PRKCA: variants seen among roughly 807,000 people sequenced by gnomAD.
PRKCA encodes the protein protein kinase C alpha.
Under a neutral mutation model 87.0 loss-of-function variants are expected in PRKCA, and 27 were observed. The observed-to-expected ratio is 0.31, with a 90% CI of 0.23 to 0.43. The LOEUF (loss-of-function observed/expected upper bound fraction) is 0.43. PRKCA is among the 20% of genes least tolerant of loss of function. The pLI, the probability that PRKCA is intolerant of heterozygous loss-of-function variation, is 1.00. For missense variants in PRKCA, 518 were observed against 852.3 expected (o/e 0.61, Z 4.88); for synonymous variants, 329 against 311.1 (o/e 1.06, Z -0.61).
chr17:66,772,967 C>T (rs1974974416), intron 13 of PRKCA, among the ~76,000 whole-genome samples: 2 of 152,046 alleles, frequency 1.3e-5, no homozygotes, highest in South Asian at 4.1e-4. Flanking sequence ...TCATTTCTAA[C>T]TGATAAGCAC....
rs137998587 is a variant in PRKCA at position 66,464,544 on chromosome 17, G to A, written c.206-31657G>A. 8.2e-3 allele frequency among the ~76,000 whole-genome samples: 1,242 copies of A among 152,280 alleles called. 9 individuals carry two copies. Among genetic ancestry groups the A allele is most frequent in the Non-Finnish European group, 0.012 (832 of 68,030 alleles). ...TCCTTGTCAGCGTTTGGTGTTGTCA[G>A]TGTTTTGGATTTTGGCCATTCTAAT... On this transcript the variant is annotated intron_variant, in intron 2 of 16. Transcript: ENST00000413366.
intron 14 of PRKCA, chr17:66,777,120 C>G: frequency 1.1e-5 from 7 of 647,726 alleles, no homozygotes; most frequent in Non-Finnish European, 1.3e-5. Flanking sequence ...AGTTAACCAC[C>G]TGATGGTCGC....
chr17:66,413,187 C>T (rs1011650443), intron 2 of PRKCA, among the ~76,000 whole-genome samples: 1 of 152,208 alleles, frequency 6.6e-6, no homozygotes, highest in Non-Finnish European at 1.5e-5. Context: ...ACTTTGGCTT[C>T]CCATCACCCC....
chr17:66,391,715 A>G (rs1181892177), intron 2 of PRKCA, among the ~76,000 whole-genome samples: 1 of 152,156 alleles, frequency 6.6e-6, no homozygotes, highest in Non-Finnish European at 1.5e-5. Flanking sequence ...AAACTTTCAA[A>G]CAGAAAAGTT....
At chr17:66,561,320 C>T (rs1472169484) in intron 3 of PRKCA, among the ~76,000 whole-genome samples, 1 of 152,164 alleles carries the variant, frequency 6.6e-6, no homozygotes, top group African/African-American at 2.4e-5. Context: ...ACTTCCTTGT[C>T]CGTGTGTGAA....
At chr17:66,633,576 C>T (rs2143759555) in intron 3 of PRKCA, among the ~76,000 whole-genome samples, 1 of 152,300 alleles carries the variant, frequency 6.6e-6, no homozygotes, top group South Asian at 2.1e-4. Flanking sequence ...CACCGCAGAG[C>T]TTCTGTTGGT....
intron 3 of PRKCA, among the ~76,000 whole-genome samples, chr17:66,547,172 G>A (rs1007853260): frequency 6.6e-6 from 1 of 152,116 alleles, no homozygotes; most frequent in African/African-American, 2.4e-5. Flanking sequence ...GCCTGTGTAT[G>A]TTACATCTCT....
intron 5 of PRKCA, among the ~76,000 whole-genome samples, chr17:66,658,741 C>T (rs987730880): frequency 6.6e-6 from 1 of 152,140 alleles, no homozygotes; most frequent in Non-Finnish European, 1.5e-5. Flanking sequence ...ACTCCAGTCA[C>T]GTTAAGTCAT....
chr17:66,539,407 C>CTT (rs961589508), intron 3 of PRKCA, among the ~76,000 whole-genome samples: 4 of 143,442 alleles, frequency 2.8e-5, no homozygotes, highest in East Asian at 2.0e-4. Context: ...GCTTTGAAAT[C>CTT]TTTTTTTTTT....
chr17:66,611,743 G>T (rs1326803343), intron 3 of PRKCA, among the ~76,000 whole-genome samples: 1 of 152,166 alleles, frequency 6.6e-6, no homozygotes, highest in Non-Finnish European at 1.5e-5. Flanking sequence ...TGAAGAACTG[G>T]CAGTTTTCTG....
chr17:66,679,728 C>T (rs558251918), intron 5 of PRKCA, among the ~76,000 whole-genome samples: 13 of 152,238 alleles, frequency 8.5e-5, no homozygotes, highest in Non-Finnish European at 1.6e-4. Context: ...CCTCCATCCC[C>T]TCCTAGCTGA....
chr17:66,745,756 A>G (rs910455501), intron 13 of PRKCA, among the ~76,000 whole-genome samples: 13 of 152,210 alleles, frequency 8.5e-5, no homozygotes, highest in African/African-American at 3.1e-4. Context: ...GGGAGGTAGC[A>G]TCAGATCTGT....
At chr17:66,349,423 T>C (rs778965629) in intron 2 of PRKCA, among the ~76,000 whole-genome samples, 2 of 152,054 alleles carry the variant, frequency 1.3e-5, no homozygotes, top group African/African-American at 4.8e-5. Context: ...TAGCCAACAC[T>C]AAACCAGGCC....
chr17:66,441,867 T>C (rs1476114893), intron 2 of PRKCA, among the ~76,000 whole-genome samples: 1 of 152,134 alleles, frequency 6.6e-6, no homozygotes, highest in Non-Finnish European at 1.5e-5. Flanking sequence ...CCTCTCTGGG[T>C]GATGGTCCCA....
At chr17:66,345,658 C>T (rs1387899781) in intron 2 of PRKCA, among the ~76,000 whole-genome samples, 1 of 151,994 alleles carries the variant, frequency 6.6e-6, no homozygotes, top group Non-Finnish European at 1.5e-5. Context: ...GTACGACAGT[C>T]CTGATTATTG....
In PRKCA at chr17:66,805,279, G is replaced by A. The variant is rs1460765673; in HGVS notation, c.*1242G>A. 1 of 344,938 alleles carries A rather than the reference G, an allele frequency of 2.9e-6. No individual in the cohort carries two copies. 21.4% of individuals were successfully genotyped at this position (344,938 alleles called of 1,614,324 possible). A position where few individuals can be genotyped will look rare whatever the true frequency, so the allele number is the denominator to read the frequency against. On this transcript the variant is annotated 3_prime_UTR_variant, in exon 17 of 17. Transcript: ENST00000413366. ...ACGTTTTGCAAATGCATCATGCAAT[G>A]AATTTTGCATGTTTATAATAAACCT... is the stretch of plus-strand genomic sequence containing the variant.
At chr17:66,673,741 G>A (rs1307558288) in intron 5 of PRKCA, among the ~76,000 whole-genome samples, 1 of 152,148 alleles carries the variant, frequency 6.6e-6, no homozygotes, top group Non-Finnish European at 1.5e-5. Flanking sequence ...TGTTCATCGT[G>A]GTTGATGACA....
Position 66,603,512 on chromosome 17 carries a change from A to G in PRKCA, c.289-37843A>G, listed in dbSNP as rs535280496. 1.1e-4 allele frequency among the ~76,000 whole-genome samples: 17 copies of G among 152,302 alleles called. No individual in the cohort carries two copies. In the South Asian group the frequency reaches 3.5e-3, roughly 32 times the overall value. On this transcript the variant is annotated intron_variant, in intron 3 of 16. Coordinates refer to ENST00000413366, the MANE Select transcript of PRKCA (RefSeq NM_002737.3). ...TGAACAGCAAAGCGAGCACTCGGAGATGCTTCTGTTGTGGGCTTTGGTAGA... is the reference window on the plus strand; with the variant it reads ...TGAACAGCAAAGCGAGCACTCGGAGGTGCTTCTGTTGTGGGCTTTGGTAGA...
intron 2 of PRKCA, among the ~76,000 whole-genome samples, chr17:66,328,279 C>T (rs952914954): frequency 3.3e-5 from 5 of 152,024 alleles, no homozygotes; most frequent in Non-Finnish European, 7.4e-5. Context: ...TCTTGAACTC[C>T]TGGCCGGTCT....
Sources: gnomAD v4.1 joint callset for allele counts (sites outside exome capture counted in the v4.1 genomes callset) on GRCh38, gnomAD v4.1.1 for gene constraint, MANE v1.5 for transcripts, NCBI Gene and HGNC (gene_info 2026-07-23, HGNC 2026-07-21) for gene names.